The following EMILIN2 variants were observed in gnomAD, a reference collection of about 807,000 sequenced individuals.
The protein encoded by EMILIN2 is EMILIN-2.
A neutral mutation model predicts 87.1 loss-of-function variants in EMILIN2; 71 were observed. The ratio of observed to expected loss-of-function variants is 0.82; its 90% CI spans 0.67 to 0.99. EMILIN2 has a LOEUF of 0.99. EMILIN2 is among the 50% of genes least tolerant of loss of function. The pLI, the probability that EMILIN2 is intolerant of heterozygous loss-of-function variation, is 0.00. For missense variants in EMILIN2, 1,407 were observed against 1,371.8 expected (o/e 1.03, Z -0.40); for synonymous variants, 581 against 563.4 (o/e 1.03, Z -0.44).
chr18:2,873,567 C>T lies in EMILIN2; in HGVS notation c.258-11397C>T, dbSNP rs369403680. 3.4e-4 allele frequency among the ~76,000 whole-genome samples: 52 copies of T among 151,518 alleles called. 1 individual carries two copies. The highest frequency in any genetic ancestry group is 2.0e-3 in the Admixed American group (30 of 15,230). ...CTAAAAATACAAAAAATTAGCCGGGCGTGGTGGCGGGCGCCTGTAGTCCCA... is the reference window on the plus strand; with the variant it reads ...CTAAAAATACAAAAAATTAGCCGGGTGTGGTGGCGGGCGCCTGTAGTCCCA... On this transcript the variant is annotated intron_variant, in intron 2 of 7. Coordinates refer to ENST00000254528, the MANE Select transcript of EMILIN2 (RefSeq NM_032048.3).
At position 2,890,534 on chromosome 18, in the gene EMILIN2, T is replaced by A; in HGVS notation, c.434-27T>A. ...CTGGCTAAAGGTAGAAAATGTTCAT[T>A]CATGTCCAACTTTATCTTTGTAACA... On this transcript the variant is annotated intron_variant, in intron 3 of 7. Coordinates refer to ENST00000254528, the MANE Select transcript of EMILIN2 (RefSeq NM_032048.3). This position sits in a 1 kb window ranked among gnomAD's most constrained non-coding sequence, Gnocchi z 4.7. 1 of 1,524,252 alleles carries A rather than the reference T, an allele frequency of 6.6e-7. No homozygotes were observed. The highest frequency in any genetic ancestry group is 1.3e-5 in the South Asian group (1 of 76,620). 94.4% of individuals were successfully genotyped at this position (1,524,252 alleles called of 1,614,324 possible). A position where few individuals can be genotyped will look rare whatever the true frequency, so the allele number is the denominator to read the frequency against.
At chr18:2,864,195 TA>T (rs1279841956) in intron 2 of EMILIN2, among the ~76,000 whole-genome samples, 2 of 152,254 alleles carry the variant, frequency 1.3e-5, no homozygotes, top group African/African-American at 2.4e-5. Context: ...CTGTGTCTTT[TA>T]ATTGGAGCAT....
intron 2 of EMILIN2, among the ~76,000 whole-genome samples, chr18:2,878,486 T>C (rs1035510183): frequency 2.0e-5 from 3 of 151,314 alleles, no homozygotes; most frequent in Non-Finnish European, 2.9e-5. Flanking sequence ...TGAGACTCTG[T>C]CTCAAGGAAG....
At chr18:2,874,387 C>A (rs926666804) in intron 2 of EMILIN2, among the ~76,000 whole-genome samples, 1 of 151,922 alleles carries the variant, frequency 6.6e-6, no homozygotes, top group Non-Finnish European at 1.5e-5. Context: ...TGGATAGATT[C>A]CTGTGTGTGT....
intron 3 of EMILIN2, 24 bp downstream of exon 3, chr18:2,885,163 T>C (rs774226444): frequency 3.9e-5 from 61 of 1,556,064 alleles, no homozygotes; most frequent in Non-Finnish European, 5.1e-5. Flanking sequence ...TGTGCTATTA[T>C]GTATGGCCAC....
At chr18:2,862,914 A>G (rs1185735740) in intron 2 of EMILIN2, among the ~76,000 whole-genome samples, 2 of 152,226 alleles carry the variant, frequency 1.3e-5, no homozygotes, top group Non-Finnish European at 2.9e-5. Context: ...TTATTGGTCT[A>G]TTCAGAGATT....
At chr18:2,878,199 A>G (rs1445122029) in intron 2 of EMILIN2, among the ~76,000 whole-genome samples, 1 of 152,122 alleles carries the variant, frequency 6.6e-6, no homozygotes, top group Non-Finnish European at 1.5e-5. Context: ...AAGATGCTAA[A>G]TTTCAGGTGG....
intron 7 of EMILIN2, 99 bp from the exon 8 acceptor site, chr18:2,912,968 G>T: frequency 7.9e-7 from 1 of 1,259,644 alleles, no homozygotes. Context: ...GAGATGGCTG[G>T]TCTCCCAGGC....
At chr18:2,864,713 A>G (rs1314963521) in intron 2 of EMILIN2, among the ~76,000 whole-genome samples, 1 of 152,044 alleles carries the variant, frequency 6.6e-6, no homozygotes, top group African/African-American at 2.4e-5. Flanking sequence ...GCTCTTCTCA[A>G]GGAGTCTCTT....
intron 2 of EMILIN2, among the ~76,000 whole-genome samples, chr18:2,852,009 T>C (rs1342035681): frequency 6.6e-6 from 1 of 152,208 alleles, no homozygotes; most frequent in Admixed American, 6.5e-5. Context: ...GCCCTCTGTC[T>C]CTATAGCAAT....
At chr18:2,897,406 C>T (rs2076868358) in intron 4 of EMILIN2, among the ~76,000 whole-genome samples, 1 of 152,182 alleles carries the variant, frequency 6.6e-6, no homozygotes, top group African/African-American at 2.4e-5. Context: ...CCTATAAACC[C>T]CCAGGCCTCC....
intron 2 of EMILIN2, among the ~76,000 whole-genome samples, chr18:2,868,692 A>C (rs1439623189): frequency 1.3e-5 from 2 of 152,214 alleles, no homozygotes; most frequent in Non-Finnish European, 2.9e-5. Flanking sequence ...GGCACTCGGC[A>C]GGCTGAGGCA....
In EMILIN2 at chr18:2,915,125, G is replaced by A. The variant is rs2076960632; in HGVS notation, c.*1721G>A. 1 of 152,296 alleles carries A rather than the reference G, an allele frequency of 6.6e-6. No homozygotes were observed. Among genetic ancestry groups the A allele is most frequent in the South Asian group, 2.1e-4 (1 of 4,832 alleles). The allele number at this position is 152,296 out of a possible 1,614,324, so 9.4% of individuals were successfully genotyped here. ...CAGGGGCAGGGCCCAGGCAAAAGGT[G>A]GGTGATGACTACCTGCTGCTTTCCC... On this transcript the variant is annotated 3_prime_UTR_variant, in exon 8 of 8. Transcript: ENST00000254528.
Position 2,888,730 on chromosome 18 carries a change from AAG to A in EMILIN2, c.434-1817_434-1816del, listed in dbSNP as rs201410109. On this transcript the variant is annotated intron_variant, in intron 3 of 7. Coordinates refer to ENST00000254528, the MANE Select transcript of EMILIN2 (RefSeq NM_032048.3). ...ATTCTGTCTCAAAAAAAAAAAAAAA[AAG>A]AGAGAGAGAGAGAATAAATATTTCA... Among the ~76,000 whole-genome samples the A allele has an allele frequency of 3.2e-3, 482 of 148,952 alleles. 6 individuals carry two copies. Among genetic ancestry groups the A allele is most frequent in the South Asian group, 7.7e-3 (36 of 4,668 alleles).
chr18:2,884,883 G>A (rs2076795282), intron 2 of EMILIN2, 81 bp from the exon 3 acceptor site: 9 of 1,463,986 alleles, frequency 6.1e-6, no homozygotes, highest in Middle Eastern at 1.9e-4. Flanking sequence ...CATGCCCTGA[G>A]TCCTCTTTAT....
At chr18:2,908,538 T>G (rs2076925726) in intron 5 of EMILIN2, among the ~76,000 whole-genome samples, 1 of 152,220 alleles carries the variant, frequency 6.6e-6, no homozygotes, top group African/African-American at 2.4e-5. Context: ...CACCCATCCA[T>G]GCCTCCATTT....
intron 2 of EMILIN2, among the ~76,000 whole-genome samples, chr18:2,856,478 A>G (rs957739134): frequency 6.6e-6 from 1 of 152,110 alleles, no homozygotes; most frequent in Non-Finnish European, 1.5e-5. Flanking sequence ...GATCTATCCC[A>G]CCGCCCCTAA....
intron 2 of EMILIN2, among the ~76,000 whole-genome samples, chr18:2,865,590 C>T (rs1407968294): frequency 6.6e-6 from 1 of 152,162 alleles, no homozygotes; most frequent in Non-Finnish European, 1.5e-5. Flanking sequence ...CAGAGGAGCA[C>T]CTGGCCATGT....
chr18:2,859,338 CAT>C (rs765548559), intron 2 of EMILIN2, among the ~76,000 whole-genome samples: 1 of 151,988 alleles, frequency 6.6e-6, no homozygotes, highest in East Asian at 1.9e-4. Context: ...AGGATTTTTT[CAT>C]ATGTTTTTTG....
Sources: gnomAD v4.1 joint callset for allele counts (sites outside exome capture counted in the v4.1 genomes callset) on GRCh38, gnomAD v4.1.1 for gene constraint, Gnocchi (gnomAD v3.1) non-coding constraint, MANE v1.5 for transcripts, NCBI Gene and HGNC (gene_info 2026-07-23, HGNC 2026-07-21) for gene names.